Variants in RABGEF1 observed in about 807,000 individuals in gnomAD.
The protein encoded by RABGEF1 is rab5 GDP/GTP exchange factor.
RABGEF1 carries 26 observed loss-of-function variants against 57.3 expected under a neutral mutation model. The ratio of observed to expected loss-of-function variants is 0.45; its 90% CI spans 0.33 to 0.63. RABGEF1 has a LOEUF of 0.63. Among genes scored for constraint, RABGEF1 ranks in the 20% least tolerant of loss-of-function variants. The probability of loss-of-function intolerance (pLI) is 0.02; values close to 1 mark genes in which losing one functional copy is unlikely to be tolerated. For missense variants in RABGEF1, 464 were observed against 607.6 expected (o/e 0.76, Z 2.48); for synonymous variants, 185 against 210.7 (o/e 0.88, Z 1.06).
chr7:66,691,247 G>A (rs1297078378), intron 1 of RABGEF1, among the ~76,000 whole-genome samples: 2 of 152,082 alleles, frequency 1.3e-5, no homozygotes, highest in African/African-American at 2.4e-5. Flanking sequence ...CTCCCATACC[G>A]TACATAATTC....
rs191719205 is a variant in RABGEF1, at chr7:66,734,715, G to A, written c.-814-5281G>A. Reference sequence around the variant, plus strand: ...CCTAAACTGCTGGGATTACAGGTGTGAGCCACCGTGCCTGGCCCCAAAGGA... The same window carrying A: ...CCTAAACTGCTGGGATTACAGGTGTAAGCCACCGTGCCTGGCCCCAAAGGA... On this transcript the variant is annotated intron_variant and NMD_transcript_variant, in intron 2 of 9. Coordinates refer to the RABGEF1 transcript ENST00000607882. Among the ~76,000 whole-genome samples the A allele has an allele frequency of 1.4e-3, 215 of 151,608 alleles. 2 individuals carry two copies. Among genetic ancestry groups the A allele is most frequent in the Admixed American group, 4.0e-3 (61 of 15,196 alleles).
chr7:66,725,210 C>G lies in RABGEF1; in HGVS notation c.-815+12986C>G, dbSNP rs777527874. On this transcript the variant is annotated intron_variant and NMD_transcript_variant, in intron 2 of 9. Coordinates refer to the RABGEF1 transcript ENST00000607882. Reference sequence around the variant, plus strand: ...TACAGCTTTATCAAGATACACTTTACTTTACCATACAATTCACTAATTTAA... The same window carrying G: ...TACAGCTTTATCAAGATACACTTTAGTTTACCATACAATTCACTAATTTAA... Among the ~76,000 whole-genome samples, 3 of 152,304 alleles carry G rather than the reference C, an allele frequency of 2.0e-5. No homozygotes were observed. In the South Asian group the frequency reaches 6.2e-4, roughly 32 times the overall value.
chr7:66,673,866 G>A, the RABGEF1 span, among the ~76,000 whole-genome samples: 555 of 151,392 alleles, frequency 3.7e-3, 3 homozygotes, highest in Non-Finnish European at 5.7e-3. Flanking sequence ...GTGACAGAAC[G>A]AGATCCTATC....
chr7:66,694,319 G>A (rs770618150), intron 1 of RABGEF1, among the ~76,000 whole-genome samples: 9 of 152,236 alleles, frequency 5.9e-5, no homozygotes, highest in Non-Finnish European at 1.0e-4. Flanking sequence ...TGGCAAGGTG[G>A]TTTGTGGAAT....
chr7:66,681,015 G>A (rs1324484056), upstream of RABGEF1, among the ~76,000 whole-genome samples: 1 of 150,978 alleles, frequency 6.6e-6, no homozygotes, highest in Non-Finnish European at 1.5e-5. Flanking sequence ...CCTAGGAGGC[G>A]GAGTTTGCAG....
intron 4 of RABGEF1, among the ~76,000 whole-genome samples, chr7:66,790,315 A>G (rs1812325822): frequency 6.6e-6 from 1 of 152,126 alleles, no homozygotes; most frequent in African/African-American, 2.4e-5. Flanking sequence ...GCCAAGTTCC[A>G]CCCTTATGCG....
At chr7:66,751,861 G>A (rs192602576) in intron 1 of RABGEF1, among the ~76,000 whole-genome samples, 9 of 152,192 alleles carry the variant, frequency 5.9e-5, no homozygotes, top group Non-Finnish European at 1.0e-4. Flanking sequence ...CCTCCTCCCC[G>A]GATCTTTGAC....
intron 2 of RABGEF1, among the ~76,000 whole-genome samples, chr7:66,729,406 ACCT>A (rs1188943961): frequency 6.6e-6 from 1 of 150,846 alleles, no homozygotes; most frequent in Non-Finnish European, 1.5e-5. Context: ...TCCCTCTTTC[ACCT>A]CCATCCTCAT....
At chr7:66,657,828 AT>A in the RABGEF1 span, among the ~76,000 whole-genome samples, 9 of 152,156 alleles carry the variant, frequency 5.9e-5, no homozygotes, top group Non-Finnish European at 8.8e-5. Flanking sequence ...CTCAAAAAAA[AT>A]CAATAAAAAT....
chr7:66,691,649 G>A lies in RABGEF1; in HGVS notation c.-873+9391G>A, dbSNP rs534576960. Among the ~76,000 whole-genome samples the A allele has an allele frequency of 9.2e-5, 14 of 152,154 alleles. No individual in the cohort carries two copies. The South Asian group carries it at 1.5e-3, about 16-fold the overall frequency. ...CCTCCTGTTTTTCAATTTCAGTAGC[G>A]TATCCAATAAATTACATGAGAAATT... On this transcript the variant is annotated intron_variant and NMD_transcript_variant, in intron 1 of 9. Transcript: ENST00000607882.
At chr7:66,788,853 G>A (rs577133308) in intron 4 of RABGEF1, among the ~76,000 whole-genome samples, 6 of 152,194 alleles carry the variant, frequency 3.9e-5, no homozygotes, top group South Asian at 2.1e-4. Context: ...TACTAGGGAG[G>A]CTGAGGCAGG....
At chr7:66,682,198 C>T (rs1339901449) in exon 1 of RABGEF1, 1 of 167,542 alleles carries the variant, frequency 6.0e-6, no homozygotes, top group Non-Finnish European at 1.5e-5. Flanking sequence ...GAGCGGTGAC[C>T]TGGACCACGG....
intron 1 of RABGEF1, among the ~76,000 whole-genome samples, chr7:66,746,941 G>GC (rs112956122): frequency 0.24 from 36,163 of 151,696 alleles, 4,459 homozygotes; most frequent in East Asian, 0.31. Context: ...TAACAGGCAC[G>GC]CGCCACCATG....
At chr7:66,777,445 A>C (rs947212255) in intron 3 of RABGEF1, among the ~76,000 whole-genome samples, 2 of 151,550 alleles carry the variant, frequency 1.3e-5, no homozygotes, top group African/African-American at 4.8e-5. Flanking sequence ...GTTATTTAAT[A>C]TATATCATAA....
chr7:66,725,373 C>T (rs1358623699), intron 2 of RABGEF1, among the ~76,000 whole-genome samples: 1 of 152,150 alleles, frequency 6.6e-6, no homozygotes, highest in Non-Finnish European at 1.5e-5. Flanking sequence ...CCATTCTGCC[C>T]CACCCTCAGC....
At chr7:66,662,032 G>A in the RABGEF1 span, among the ~76,000 whole-genome samples, 1 of 152,074 alleles carries the variant, frequency 6.6e-6, no homozygotes, top group South Asian at 2.1e-4. Context: ...GGTGGATCAC[G>A]AGGTCAGGAG....
At chr7:66,774,546 G>A (rs1808038613) in intron 2 of RABGEF1, among the ~76,000 whole-genome samples, 1 of 152,194 alleles carries the variant, frequency 6.6e-6, no homozygotes, top group Non-Finnish European at 1.5e-5. Context: ...GCAAACCACA[G>A]GCTTGCACAT....
chr7:66,737,161 T>C (rs992210311), upstream of RABGEF1, among the ~76,000 whole-genome samples: 49 of 152,012 alleles, frequency 3.2e-4, no homozygotes, highest in African/African-American at 1.1e-3. Flanking sequence ...AGCTCCTGGC[T>C]TTAGGCAATC....
chr7:66,708,579 G>A (rs955701303), intron 1 of RABGEF1, among the ~76,000 whole-genome samples: 2 of 152,096 alleles, frequency 1.3e-5, no homozygotes, highest in Non-Finnish European at 2.9e-5. Flanking sequence ...GTGAGCCACC[G>A]CCCCTGGCCA....
Sources: allele counts gnomAD v4.1 joint callset (sites outside exome capture counted in the v4.1 genomes callset), GRCh38; gene constraint gnomAD v4.1.1; transcripts MANE v1.5; gene names NCBI Gene and HGNC (gene_info 2026-07-23, HGNC 2026-07-21).